The following ANTXR2 variants were observed in gnomAD, a reference collection of about 807,000 sequenced individuals.
The protein encoded by ANTXR2 is anthrax toxin receptor 2.
In ANTXR2, 44 loss-of-function variants were observed where a neutral mutation model predicts 73.7. The observed-to-expected ratio is 0.60, with a 90% CI of 0.47 to 0.77. The LOEUF is 0.77. Ranked by LOEUF, ANTXR2 falls within the 30% of genes least tolerant of loss-of-function variation. The pLI, the probability that ANTXR2 is intolerant of heterozygous loss-of-function variation, is 0.00. For synonymous variants in ANTXR2, 217 were observed against 205.9 expected, an observed-to-expected ratio of 1.05 and a Z score of -0.46; for missense variants, 604 against 592.5, an observed-to-expected ratio of 1.02 and a Z score of -0.20.
chr4:80,066,255 T>C (rs1734491037), intron 3 of ANTXR2, among the ~76,000 whole-genome samples: 1 of 152,238 alleles, frequency 6.6e-6, no homozygotes. Flanking sequence ...AACTCAAATA[T>C]GGAAGATTTT....
chr4:79,908,421 G>A (rs553461761), intron 16 of ANTXR2, among the ~76,000 whole-genome samples: 3 of 152,094 alleles, frequency 2.0e-5, no homozygotes, highest in African/African-American at 7.2e-5. Context: ...AAATTCAAAA[G>A]CAACAAAACA....
chr4:80,034,230 G>A (rs1000385227), intron 8 of ANTXR2, among the ~76,000 whole-genome samples: 1 of 152,100 alleles, frequency 6.6e-6, no homozygotes, highest in Non-Finnish European at 1.5e-5. Context: ...AAACTTGTTA[G>A]AGAGTGAGAG....
intron 16 of ANTXR2, among the ~76,000 whole-genome samples, chr4:79,936,670 G>A (rs763010949): frequency 7.9e-5 from 12 of 152,154 alleles, no homozygotes; most frequent in African/African-American, 1.9e-4. Flanking sequence ...TTTATTAAAC[G>A]TAAAAGGGAA....
intron 13 of ANTXR2, 68 bp from the exon 14 acceptor site, chr4:79,984,038 T>A: frequency 8.9e-7 from 1 of 1,120,370 alleles, no homozygotes; most frequent in Non-Finnish European, 1.3e-6. Flanking sequence ...CGGAACTGGC[T>A]CATATTTAAA....
chr4:80,000,880 T>C (rs1304991296), intron 12 of ANTXR2, among the ~76,000 whole-genome samples: 1 of 152,038 alleles, frequency 6.6e-6, no homozygotes, highest in African/African-American at 2.4e-5. Flanking sequence ...TAGTTCAATA[T>C]CTGAATATGA....
rs1265394187 is a variant in ANTXR2 at position 79,916,236 on chromosome 4, T to A, written c.1429-8769A>T. On this transcript the variant is annotated intron_variant, in intron 16 of 16. Coordinates refer to ENST00000403729, the MANE Select transcript of ANTXR2 (RefSeq NM_058172.6). ...AATGGTACACCTAAACCACACCTCA[T>A]AAGATGAAATAGATGCTTCTAAATT... Among the ~76,000 whole-genome samples the A allele has an allele frequency of 2.0e-5, 3 of 152,058 alleles. No individual in the cohort carries two copies. The East Asian group carries it at 5.8e-4, about 29-fold the overall frequency.
intron 16 of ANTXR2, among the ~76,000 whole-genome samples, chr4:79,964,125 C>T (rs1052123603): frequency 6.6e-6 from 1 of 152,094 alleles, no homozygotes; most frequent in Non-Finnish European, 1.5e-5. Context: ...ATTCTTCAAC[C>T]GCTGTATACA....
At chr4:79,977,501 A>T in intron 16 of ANTXR2, 120 bp downstream of exon 16, 1 of 1,485,702 alleles carries the variant, frequency 6.7e-7, no homozygotes, top group Non-Finnish European at 8.9e-7. Flanking sequence ...TCTACACTTG[A>T]CAGTATTTCC....
chr4:79,994,514 T>C (rs1410007426), intron 12 of ANTXR2, among the ~76,000 whole-genome samples: 1 of 152,008 alleles, frequency 6.6e-6, no homozygotes, highest in Non-Finnish European at 1.5e-5. Context: ...TCAAATTTAC[T>C]CTTCTTATTA....
chr4:80,053,641 G>A (rs1733861672), intron 7 of ANTXR2, among the ~76,000 whole-genome samples: 1 of 151,414 alleles, frequency 6.6e-6, no homozygotes, highest in Admixed American at 6.6e-5. Flanking sequence ...GTAGCAAAAG[G>A]CAGTAAAATG....
intron 16 of ANTXR2, among the ~76,000 whole-genome samples, chr4:79,930,783 T>C (rs1362125117): frequency 6.6e-6 from 1 of 152,212 alleles, no homozygotes; most frequent in African/African-American, 2.4e-5. Context: ...TAATCAAGCA[T>C]ACTAAAAGTA....
Position 79,981,917 on chromosome 4 carries a change from T to C in ANTXR2, c.1179+1961A>G, listed in dbSNP as rs1006135951. Among the ~76,000 whole-genome samples, 4 of 152,282 alleles carry C rather than the reference T, an allele frequency of 2.6e-5. No individual in the cohort carries two copies. The South Asian group carries it at 8.3e-4, about 32-fold the overall frequency. ...TGTGTGGGCAACATAATTTCACATA[T>C]TGAGAGTTAAAAACTCTTGAAACTT... On this transcript the variant is annotated intron_variant, in intron 14 of 16. Transcript: ENST00000403729.
At chr4:79,920,680 G>T (rs981081683) in intron 16 of ANTXR2, among the ~76,000 whole-genome samples, 1 of 152,118 alleles carries the variant, frequency 6.6e-6, no homozygotes, top group Non-Finnish European at 1.5e-5. Flanking sequence ...GCAGAAAGTA[G>T]AAGATGTGGT....
chr4:80,037,434 C>T (rs1192252075), intron 7 of ANTXR2, among the ~76,000 whole-genome samples: 1 of 152,074 alleles, frequency 6.6e-6, no homozygotes, highest in Admixed American at 6.6e-5. Context: ...GATAACTTTC[C>T]AATAAACTCA....
At chr4:80,057,074 A>G (rs1006124081) in intron 3 of ANTXR2, among the ~76,000 whole-genome samples, 1 of 151,934 alleles carries the variant, frequency 6.6e-6, no homozygotes, top group African/African-American at 2.4e-5. Flanking sequence ...TGGATACTAC[A>G]CTTGATCTTA....
At chr4:80,032,753 T>C (rs1217093409) in intron 9 of ANTXR2, among the ~76,000 whole-genome samples, 4 of 151,830 alleles carry the variant, frequency 2.6e-5, no homozygotes, top group Admixed American at 2.6e-4. Flanking sequence ...ATATAGATAC[T>C]CAAGATGCTC....
Position 79,927,803 on chromosome 4 carries a change from T to A in ANTXR2, c.1429-20336A>T, listed in dbSNP as rs540629587. Among the ~76,000 whole-genome samples, 20 of 152,278 alleles carry A rather than the reference T, an allele frequency of 1.3e-4. No individual in the cohort carries two copies. The East Asian group carries it at 3.9e-3, about 29-fold the overall frequency. On this transcript the variant is annotated intron_variant, in intron 16 of 16. Transcript: ENST00000403729. ...CTGAAAAGAACTGCCATTATCATACTTCGCACCTATTAGGATGGCTACTAT... is the reference window on the plus strand; with the variant it reads ...CTGAAAAGAACTGCCATTATCATACATCGCACCTATTAGGATGGCTACTAT...
chr4:79,982,920 T>C (rs1011385215), intron 14 of ANTXR2, among the ~76,000 whole-genome samples: 1 of 152,162 alleles, frequency 6.6e-6, no homozygotes, highest in African/African-American at 2.4e-5. Flanking sequence ...GTAAAATTTA[T>C]TCTGAAAAGG....
chr4:79,936,515 A>C (rs142554980), intron 16 of ANTXR2, among the ~76,000 whole-genome samples: 2 of 152,174 alleles, frequency 1.3e-5, no homozygotes, highest in East Asian at 3.9e-4. Context: ...TAATTCTCCA[A>C]AAGTTTCCTT....
Sources: gnomAD v4.1 joint callset for allele counts (sites outside exome capture counted in the v4.1 genomes callset) on GRCh38, gnomAD v4.1.1 for gene constraint, MANE v1.5 for transcripts, NCBI Gene and HGNC (gene_info 2026-07-23, HGNC 2026-07-21) for gene names.